Variants in ZFHX3 observed in about 807,000 individuals in gnomAD.
ZFHX3 encodes zinc finger homeobox protein 3.
ZFHX3 carries 42 observed loss-of-function variants against 279.1 expected under a neutral mutation model. The ratio of observed to expected loss-of-function variants is 0.15; its 90% CI spans 0.12 to 0.19. The LOEUF is 0.19. Among genes scored for constraint, ZFHX3 ranks in the 10% least tolerant of loss-of-function variants. The pLI, the probability that ZFHX3 is intolerant of heterozygous loss-of-function variation, is 1.00. For missense variants in ZFHX3, 4,981 were observed against 4,754.0 expected (o/e 1.05, Z -1.40); for synonymous variants, 2,293 against 1,957.8 (o/e 1.17, Z -4.52).
rs1206751057 is a variant in ZFHX3, at chr16:72,783,781, GA to G, written c.*3382del. ...GAAGAACTAATTTAAAAAGCAAGTG[GA>G]AATATATCCTACCCAGCTACCTACA... On this transcript the variant is annotated 3_prime_UTR_variant, in exon 10 of 10. Transcript: ENST00000268489. 1 of 152,114 alleles carries G rather than the reference GA, an allele frequency of 6.6e-6. No homozygotes were observed. Among genetic ancestry groups the G allele is most frequent in the Non-Finnish European group, 1.5e-5 (1 of 68,026 alleles). The allele number at this position is 152,114 out of a possible 1,614,324, so 9.4% of individuals were successfully genotyped here.
intron 2 of ZFHX3, among the ~76,000 whole-genome samples, chr16:73,522,878 G>T (rs763275766): frequency 6.6e-6 from 1 of 152,138 alleles, no homozygotes; most frequent in Non-Finnish European, 1.5e-5. Flanking sequence ...ACATGTGGTG[G>T]CAGCAAGGAG....
intron 2 of ZFHX3, among the ~76,000 whole-genome samples, chr16:73,629,139 C>T (rs1417114682): frequency 6.6e-6 from 1 of 152,186 alleles, no homozygotes; most frequent in Non-Finnish European, 1.5e-5. Context: ...GCCATTCCTC[C>T]CACCTTCCGT....
intron 2 of ZFHX3, among the ~76,000 whole-genome samples, chr16:73,522,760 G>A (rs35612101): frequency 0.054 from 8,255 of 152,218 alleles, 250 homozygotes; most frequent in South Asian, 0.11. Context: ...ATCCAAGACT[G>A]GGTAATTTAT....
intron 1 of ZFHX3, among the ~76,000 whole-genome samples, chr16:73,863,454 C>T (rs1961933729): frequency 6.6e-6 from 1 of 152,060 alleles, no homozygotes; most frequent in Non-Finnish European, 1.5e-5. Context: ...CTTATATAAA[C>T]CAAAGCCACC....
intron 2 of ZFHX3, among the ~76,000 whole-genome samples, chr16:73,600,666 C>T (rs528452433): frequency 1.2e-4 from 18 of 152,116 alleles, no homozygotes; most frequent in African/African-American, 3.6e-4. Context: ...GTGATCCGCC[C>T]GCCTCGGCCT....
chr16:72,909,128 T>G (rs1156860625), intron 3 of ZFHX3, among the ~76,000 whole-genome samples: 1 of 152,208 alleles, frequency 6.6e-6, no homozygotes, highest in Non-Finnish European at 1.5e-5. Flanking sequence ...TGACAACAAT[T>G]GCATGAAAAG....
intron 2 of ZFHX3, among the ~76,000 whole-genome samples, chr16:73,599,533 G>C (rs1002437470): frequency 1.3e-5 from 2 of 152,176 alleles, no homozygotes; most frequent in African/African-American, 4.8e-5. Flanking sequence ...TGCCTATGAA[G>C]CTCGACCTGT....
At chr16:73,738,574 T>A (rs1269304977) in intron 1 of ZFHX3, among the ~76,000 whole-genome samples, 1 of 152,260 alleles carries the variant, frequency 6.6e-6, no homozygotes, top group East Asian at 1.9e-4. Flanking sequence ...AAGGAATGAT[T>A]GGGTCTGCCC....
chr16:73,612,323 A>C (rs767280748), intron 2 of ZFHX3, among the ~76,000 whole-genome samples: 2 of 152,246 alleles, frequency 1.3e-5, no homozygotes, highest in Non-Finnish European at 2.9e-5. Flanking sequence ...AGTCTTAGGC[A>C]AACAATAGCA....
At chr16:73,804,915 G>GAGGGAGAGGGAGGGGGGGAGA (rs1213343893) in intron 1 of ZFHX3, among the ~76,000 whole-genome samples, 1 of 119,094 alleles carries the variant, frequency 8.4e-6, no homozygotes, top group African/African-American at 4.0e-5. Context: ...GGGAGGGAGG[G>GAGGGAGAGGGAGGGGGGGAGA]GAGGGAGAGG....
intron 3 of ZFHX3, among the ~76,000 whole-genome samples, chr16:73,371,609 G>A (rs1340642101): frequency 6.6e-6 from 1 of 152,058 alleles, no homozygotes; most frequent in African/African-American, 2.4e-5. Context: ...GGTGCACCGG[G>A]TGTACCCCTC....
chr16:73,177,152 T>A (rs900437108), intron 5 of ZFHX3, among the ~76,000 whole-genome samples: 3 of 147,858 alleles, frequency 2.0e-5, no homozygotes, highest in Non-Finnish European at 4.4e-5. Flanking sequence ...AGACTCCGTC[T>A]CAAAACCAAC....
At chr16:72,818,591 G>C (rs774586421) in intron 5 of ZFHX3, among the ~76,000 whole-genome samples, 4 of 152,186 alleles carry the variant, frequency 2.6e-5, no homozygotes, top group South Asian at 2.1e-4. Flanking sequence ...AGAGGAATAG[G>C]GGAAGAGGGG....
Position 73,026,693 on chromosome 16 carries a change from A to T in ZFHX3, c.-50+21059T>A, listed in dbSNP as rs34528166. On this transcript the variant is annotated intron_variant, in intron 1 of 9. Transcript: ENST00000268489. Reference sequence around the variant, plus strand: ...TGCCTCAAAAAAAAAAAAAAAAAAAAAACACATAGTAAAGGGTCTGCTCAT... The same window carrying T: ...TGCCTCAAAAAAAAAAAAAAAAAAATAACACATAGTAAAGGGTCTGCTCAT... Among the ~76,000 whole-genome samples the T allele has an allele frequency of 6.8e-4, 99 of 144,730 alleles. 1 individual carries two copies. Among genetic ancestry groups the T allele is most frequent in the African/African-American group, 2.2e-3 (88 of 39,230 alleles). The allele number at this position is 144,730 out of a possible 152,430, so 94.9% of individuals were successfully genotyped here. A position where few individuals can be genotyped will look rare whatever the true frequency, so the allele number is the denominator to read the frequency against.
intron 1 of ZFHX3, among the ~76,000 whole-genome samples, chr16:73,754,855 A>G (rs1043456451): frequency 5.9e-5 from 9 of 152,172 alleles, no homozygotes; most frequent in Non-Finnish European, 5.9e-5. Flanking sequence ...ATAGCTCTGC[A>G]TTTCTGGGCA....
intron 1 of ZFHX3, among the ~76,000 whole-genome samples, chr16:73,702,998 G>A (rs972269959): frequency 2.6e-5 from 4 of 152,138 alleles, no homozygotes; most frequent in East Asian, 1.9e-4. Context: ...GATAGCGATG[G>A]TGGTGATAGT....
intron 1 of ZFHX3, among the ~76,000 whole-genome samples, chr16:73,890,524 C>T (rs187171141): frequency 1.3e-4 from 20 of 152,252 alleles, no homozygotes; most frequent in Admixed American, 1.2e-3. Context: ...GCCACCCAAC[C>T]GATCTAGTGA....
intron 5 of ZFHX3, among the ~76,000 whole-genome samples, chr16:72,820,969 C>T (rs183265510): frequency 2.0e-4 from 31 of 152,110 alleles, no homozygotes; most frequent in Non-Finnish European, 4.4e-5. Context: ...GTCTTTGAGC[C>T]CCAACACAGT....
chr16:73,331,760 A>G (rs1389679285), intron 3 of ZFHX3, among the ~76,000 whole-genome samples: 1 of 152,238 alleles, frequency 6.6e-6, no homozygotes, highest in Non-Finnish European at 1.5e-5. Context: ...TGCAGAGAAT[A>G]TGTCAACATT....
Sources: gnomAD v4.1 joint callset for allele counts (sites outside exome capture counted in the v4.1 genomes callset) on GRCh38, gnomAD v4.1.1 for gene constraint, MANE v1.5 for transcripts, NCBI Gene and HGNC (gene_info 2026-07-23, HGNC 2026-07-21) for gene names.